DNAH17: variants seen among roughly 807,000 people sequenced by gnomAD.
The protein encoded by DNAH17 is axonemal beta dynein heavy chain 17.
Under a neutral mutation model 485.6 loss-of-function variants are expected in DNAH17, and 376 were observed. The observed-to-expected ratio is 0.77, with a 90% confidence interval of 0.71 to 0.84. DNAH17 has a LOEUF of 0.84. Ranked by LOEUF, DNAH17 falls within the 40% of genes least tolerant of loss-of-function variation. The pLI, the probability that DNAH17 is intolerant of heterozygous loss-of-function variation, is 0.00. For synonymous variants in DNAH17, 3,031 were observed against 2,405.9 expected (o/e 1.26, Z -7.60); for missense variants, 6,370 against 5,839.3 (o/e 1.09, Z -2.96).
At position 78,440,890 on chromosome 17, in the gene DNAH17, C is replaced by T. The variant is rs574209370; in HGVS notation, c.11677+161G>A. On this transcript the variant is annotated intron_variant, in intron 72 of 80. Coordinates refer to ENST00000389840, the MANE Select transcript of DNAH17 (RefSeq NM_173628.4). The stretch of plus-strand genomic sequence containing the variant: ...GTCGCAGTTCTCAGGCCTCACAACT[C>T]GTGTTATTTTCCTGTTCTTGATCAT... 9.8e-5 allele frequency among the ~76,000 whole-genome samples: 15 copies of T among 152,342 alleles called. No homozygotes were observed. In the East Asian group the frequency reaches 2.3e-3, roughly 23 times the overall value.
intron 73 of DNAH17, 143 bp from the exon 74 acceptor site, chr17:78,438,011 C>T: frequency 1.6e-6 from 1 of 618,032 alleles, no homozygotes; most frequent in Admixed American, 3.0e-5. Flanking sequence ...CACTGCCCCA[C>T]CCCTCACCTG....
At chr17:78,573,703 C>T (rs1354666268) in intron 2 of DNAH17, among the ~76,000 whole-genome samples, 2 of 151,886 alleles carry the variant, frequency 1.3e-5, no homozygotes, top group Non-Finnish European at 2.9e-5. Context: ...CACAGAAGGC[C>T]GACCACATGA....
chr17:78,570,569 C>T (rs1249971789), intron 6 of DNAH17, among the ~76,000 whole-genome samples, 197 bp from the exon 7 acceptor site: 1 of 152,036 alleles, frequency 6.6e-6, no homozygotes, highest in Non-Finnish European at 1.5e-5. Flanking sequence ...CTTGAAGAAA[C>T]AAGACCCAGG....
chr17:78,485,087 T>C lies in DNAH17; in HGVS notation c.7484-54A>G, dbSNP rs1381951921. The C allele has an allele frequency of 3.9e-6, 6 of 1,535,852 alleles. No individual in the cohort carries two copies. In the Admixed American group the frequency reaches 6.3e-5, roughly 16 times the overall value. ...CCTGCGCCTCCTGAGCCAGAGCCTGTTAGGTAGGGAGGGGCGCTACCTGCT... is the reference window on the plus strand; with the variant it reads ...CCTGCGCCTCCTGAGCCAGAGCCTGCTAGGTAGGGAGGGGCGCTACCTGCT... On this transcript the variant is annotated intron_variant, in intron 47 of 80. Coordinates refer to ENST00000389840, the MANE Select transcript of DNAH17 (RefSeq NM_173628.4).
At chr17:78,428,267 T>G (rs651290) in intron 77 of DNAH17, 7 of 523,916 alleles carry the variant, frequency 1.3e-5, no homozygotes, top group Non-Finnish European at 3.5e-6. Flanking sequence ...GGGATGCTCT[T>G]GGAGCCGCAT....
chr17:78,501,530 C>G (rs973919489), intron 34 of DNAH17, 186 bp from the exon 35 acceptor site: 2 of 966,940 alleles, frequency 2.1e-6, no homozygotes, highest in African/African-American at 3.3e-5. Flanking sequence ...TACAGAATGG[C>G]ACTTCCAATG....
At chr17:78,457,500 T>G (rs1020107919) in intron 62 of DNAH17, among the ~76,000 whole-genome samples, 1 of 152,072 alleles carries the variant, frequency 6.6e-6, no homozygotes, top group Admixed American at 6.6e-5. Context: ...GAAATAATAT[T>G]TTGGATATTT....
At position 78,507,367 on chromosome 17, in the gene DNAH17, G is replaced by C. The variant is rs545214340; in HGVS notation, c.4587C>G (p.Ala1529=). The C allele has an allele frequency of 4.3e-6, 7 of 1,613,882 alleles. No homozygotes were observed. The highest frequency in any genetic ancestry group is 2.5e-6 in the Non-Finnish European group (3 of 1,179,910). ...RFDDINQEFK[A]LMEDAVKTPN... ...GTGTTTTCACTGCATCTTCCATCAA[G>C]GCCTGGGAAGAGAAGGGGATCGCCA... is the stretch of plus-strand genomic sequence containing the variant. Residue 1529 remains alanine (A), a splice_region_variant and synonymous_variant, in exon 29 of 81, where the codon GCC becomes GCG. Transcript: ENST00000389840.
chr17:78,544,096 T>C (rs2143485356), intron 16 of DNAH17, 99 bp from the exon 17 acceptor site: 1 of 1,528,944 alleles, frequency 6.5e-7, no homozygotes, highest in Non-Finnish European at 8.9e-7. Context: ...TCGTCACTGC[T>C]GCCTGATCTT....
chr17:78,481,270 T>C (rs1325222638), intron 48 of DNAH17, among the ~76,000 whole-genome samples: 1 of 147,094 alleles, frequency 6.8e-6, no homozygotes, highest in African/African-American at 2.5e-5. Context: ...GCCTGGCTAA[T>C]TTTTTTGTAC....
chr17:78,432,018 C>CA (rs1390611777), intron 75 of DNAH17, among the ~76,000 whole-genome samples: 1 of 151,426 alleles, frequency 6.6e-6, no homozygotes, highest in Non-Finnish European at 1.5e-5. Context: ...CAGAACAAAA[C>CA]AAAACAAAAA....
chr17:78,523,052 T>C (rs141653701), intron 25 of DNAH17, among the ~76,000 whole-genome samples: 81 of 152,260 alleles, frequency 5.3e-4, no homozygotes, highest in African/African-American at 1.9e-3. Flanking sequence ...ACAGGGGTCT[T>C]GCTATGTTGC....
chr17:78,553,045 T>C (rs1324734945), intron 14 of DNAH17, among the ~76,000 whole-genome samples: 2 of 152,088 alleles, frequency 1.3e-5, no homozygotes, highest in African/African-American at 4.8e-5. Context: ...GTTCTTGGGA[T>C]AGTGAATGAA....
intron 36 of DNAH17, 119 bp downstream of exon 36, chr17:78,500,186 T>A: frequency 1.7e-6 from 2 of 1,171,150 alleles, no homozygotes; most frequent in Non-Finnish European, 1.2e-6. Flanking sequence ...TCCTCTCCAG[T>A]GCCATTCACA....
At chr17:78,432,443 T>C (rs370809128) in intron 75 of DNAH17, among the ~76,000 whole-genome samples, 9 of 152,196 alleles carry the variant, frequency 5.9e-5, no homozygotes, top group Non-Finnish European at 8.8e-5. Context: ...TGGTGGCCCA[T>C]TGCCAGGGAG....
In DNAH17 at chr17:78,564,245, C is replaced by T. The variant is rs148202120; in HGVS notation, c.1570-2265G>A. Among the ~76,000 whole-genome samples the T allele has an allele frequency of 6.8e-3, 1,043 of 152,302 alleles. 12 individuals carry two copies. Among genetic ancestry groups the T allele is most frequent in the African/African-American group, 0.024 (989 of 41,548 alleles). On this transcript the variant is annotated intron_variant, in intron 11 of 80. Coordinates refer to ENST00000389840, the MANE Select transcript of DNAH17 (RefSeq NM_173628.4). ...GGGGGAGGTTCAGCCCAGACCCGTA[C>T]GCTGGTCCTTATCTGCTCTTCCCCT...
At chr17:78,434,267 T>C (rs377200796) in intron 74 of DNAH17, 47 bp from the exon 75 acceptor site, 1 of 1,550,416 alleles carries the variant, frequency 6.4e-7, no homozygotes, top group African/African-American at 1.4e-5. Flanking sequence ...GGGAGAAGTT[T>C]ACACAGAAAT....
At chr17:78,533,946 A>T (rs7216132) in intron 19 of DNAH17, among the ~76,000 whole-genome samples, 3,930 of 152,280 alleles carry the variant, frequency 0.026, 83 homozygotes, top group African/African-American at 0.044. Flanking sequence ...TCAGCCTCCC[A>T]AAGTGTTGGG....
chr17:78,550,245 T>A (rs2143549432), intron 16 of DNAH17, among the ~76,000 whole-genome samples: 1 of 83,480 alleles, frequency 1.2e-5, no homozygotes. Context: ...TCTGGACACT[T>A]TGGTGACATT....
Sources: gnomAD v4.1 joint callset for allele counts (sites outside exome capture counted in the v4.1 genomes callset) on GRCh38, gnomAD v4.1.1 for gene constraint, MANE v1.5 for transcripts, NCBI Gene and HGNC (gene_info 2026-07-23, HGNC 2026-07-21) for gene names.